RAB14: variants seen among roughly 807,000 people sequenced by gnomAD.
RAB14 encodes ras-related protein Rab-14.
A neutral mutation model predicts 31.1 loss-of-function variants in RAB14; 3 were observed. That is an observed-to-expected ratio of 0.10 (90% CI 0.04 to 0.25). The LOEUF (loss-of-function observed/expected upper bound fraction) is 0.25. Among genes scored for constraint, RAB14 ranks in the 10% least tolerant of loss-of-function variants. The probability of loss-of-function intolerance (pLI) is 1.00; values close to 1 mark genes in which losing one functional copy is unlikely to be tolerated. For missense variants in RAB14, 111 were observed against 260.1 expected, an observed-to-expected ratio of 0.43 and a Z score of 3.94; for synonymous variants, 85 against 84.9, an observed-to-expected ratio of 1.00 and a Z score of 0.00.
intron 5 of RAB14, among the ~76,000 whole-genome samples, chr9:121,186,596 A>T (rs1407555959): frequency 1.3e-5 from 2 of 152,196 alleles, no homozygotes; most frequent in East Asian, 3.8e-4. Context: ...AAAACAGTAC[A>T]GAAAGATCTC....
Position 121,183,312 on chromosome 9 carries a change from A to G in RAB14, c.438T>C (p.Asn146=), listed in dbSNP as rs2132022031. ...CCATTAAGTCTTAAAGAAACTCACC[A>G]TTTTCTTCAGCAAACTGTTTGGCTT... ...YEEAKQFAEE[N]GLLFLEASAK... is the part of the protein sequence containing the mutation. Residue 146 remains asparagine, a splice_region_variant and synonymous_variant, in exon 6 of 8, where the codon AAT becomes AAC. Transcript: ENST00000373840. 1 of 1,604,512 alleles carries G rather than the reference A, an allele frequency of 6.2e-7. No individual in the cohort carries two copies. The highest frequency in any genetic ancestry group is 1.3e-5 in the African/African-American group (1 of 74,774).
At chr9:121,185,402 TAC>T (rs1381344085) in intron 5 of RAB14, among the ~76,000 whole-genome samples, 1 of 152,150 alleles carries the variant, frequency 6.6e-6, no homozygotes, top group African/African-American at 2.4e-5. Context: ...TTTCAGTTTT[TAC>T]ACATTCTCAG....
chr9:121,180,208 A>G lies in RAB14; in HGVS notation c.*1188T>C, dbSNP rs1454362598. On this transcript the variant is annotated 3_prime_UTR_variant, in exon 8 of 8. Transcript: ENST00000373840. ...TATTTCACTGTAGGGTTAAAAATGCACAATTTAAAATCCCTTAACAGCAGA... is the reference window on the plus strand; with the variant it reads ...TATTTCACTGTAGGGTTAAAAATGCGCAATTTAAAATCCCTTAACAGCAGA... The G allele has an allele frequency of 6.6e-6, 1 of 152,666 alleles. No homozygotes were observed. The highest frequency in any genetic ancestry group is 1.9e-4 in the East Asian group (1 of 5,204). 9.5% of individuals were successfully genotyped at this position (152,666 alleles called of 1,614,324 possible). A position where few individuals can be genotyped will look rare whatever the true frequency, so the allele number is the denominator to read the frequency against.
In RAB14 at chr9:121,178,249, C is replaced by CAGTA. The variant is rs112997533; in HGVS notation, c.*3143_*3146dup. 8.5e-5 allele frequency: 13 copies of CAGTA among 152,056 alleles called. No individual in the cohort carries two copies. The highest frequency in any genetic ancestry group is 1.2e-4 in the Non-Finnish European group (8 of 68,020). 9.4% of individuals were successfully genotyped at this position (152,056 alleles called of 1,614,324 possible). On this transcript the variant is annotated 3_prime_UTR_variant, in exon 8 of 8. Transcript: ENST00000373840. Reference sequence around the variant, plus strand: ...ATGAAAGTGACAATTTATTAATACACAGTAAGTTCTAGAAGGCATCTTTCA... The same window carrying CAGTA: ...ATGAAAGTGACAATTTATTAATACACAGTAAGTAAGTTCTAGAAGGCATCTTTCA...
At chr9:121,183,432 C>T in intron 5 of RAB14, 34 bp from the exon 6 acceptor site, 1 of 1,483,702 alleles carries the variant, frequency 6.7e-7, no homozygotes, top group East Asian at 2.3e-5. Context: ...CACCTTGTAA[C>T]AAAAGCAGTA....
chr9:121,201,507 G>A (rs1015382708), intron 1 of RAB14, 132 bp downstream of exon 1: 3 of 152,298 alleles, frequency 2.0e-5, no homozygotes, highest in Non-Finnish European at 4.4e-5. Flanking sequence ...GGCTAGCCAC[G>A]GCCTGACGGG....
At chr9:121,186,365 C>T (rs564762265) in intron 5 of RAB14, among the ~76,000 whole-genome samples, 9 of 152,158 alleles carry the variant, frequency 5.9e-5, no homozygotes, top group Admixed American at 3.9e-4. Context: ...AGACTATAAG[C>T]TCTTTGGGAC....
intron 7 of RAB14, 24 bp downstream of exon 7, chr9:121,182,906 T>A (rs1478720661): frequency 6.3e-7 from 1 of 1,591,476 alleles, no homozygotes; most frequent in Non-Finnish European, 8.6e-7. Flanking sequence ...ATAATTGAAA[T>A]ATCTGTATTT....
At position 121,180,612 on chromosome 9, in the gene RAB14, C is replaced by T. The variant is rs1443663402; in HGVS notation, c.*784G>A. 1 of 152,616 alleles carries T rather than the reference C, an allele frequency of 6.6e-6. No homozygotes were observed. Among genetic ancestry groups the T allele is most frequent in the Admixed American group, 6.5e-5 (1 of 15,276 alleles). 9.5% of individuals were successfully genotyped at this position (152,616 alleles called of 1,614,324 possible). Reference sequence around the variant, plus strand: ...CTTTGTGTGAAATGGAAGGGAGTAACATGGTCACATATAGGTCATACTGTA... The same window carrying T: ...CTTTGTGTGAAATGGAAGGGAGTAATATGGTCACATATAGGTCATACTGTA... On this transcript the variant is annotated 3_prime_UTR_variant, in exon 8 of 8. Coordinates refer to ENST00000373840, the MANE Select transcript of RAB14 (RefSeq NM_016322.4).
intron 5 of RAB14, 30 bp downstream of exon 5, chr9:121,186,923 T>G (rs909356176): frequency 6.8e-6 from 10 of 1,463,214 alleles, no homozygotes; most frequent in South Asian, 1.5e-5. Flanking sequence ...TTCTTAAATT[T>G]TCTGTGTAAT....
Position 121,181,298 on chromosome 9 carries a change from AC to A in RAB14, c.*97del. The A allele has an allele frequency of 8.1e-7, 1 of 1,229,624 alleles. No individual in the cohort carries two copies. Among genetic ancestry groups the A allele is most frequent in the South Asian group, 2.4e-5 (1 of 42,106 alleles). The allele number at this position is 1,229,624 out of a possible 1,614,324, so 76.2% of individuals were successfully genotyped here. A position where few individuals can be genotyped will look rare whatever the true frequency, so the allele number is the denominator to read the frequency against. On this transcript the variant is annotated 3_prime_UTR_variant, in exon 8 of 8. Transcript: ENST00000373840. ...GAGTTTTTTCTTTTTTTTTAATTAA[AC>A]CCAGTAAGATGTACAGAAGACAATG...
intron 5 of RAB14, among the ~76,000 whole-genome samples, chr9:121,185,936 G>A (rs1344433370): frequency 6.6e-6 from 1 of 152,076 alleles, no homozygotes; most frequent in African/African-American, 2.4e-5. Context: ...AAAGTTTCAG[G>A]CACAGTCCCT....
intron 1 of RAB14, among the ~76,000 whole-genome samples, chr9:121,194,785 C>T (rs192719002): frequency 3.9e-5 from 6 of 152,042 alleles, no homozygotes; most frequent in African/African-American, 7.2e-5. Context: ...ACATTGAACC[C>T]GTAGAAAGAA....
intron 1 of RAB14, among the ~76,000 whole-genome samples, chr9:121,196,777 T>C (rs1257415281): frequency 6.6e-6 from 1 of 152,226 alleles, no homozygotes; most frequent in African/African-American, 2.4e-5. Flanking sequence ...AATTTATAGA[T>C]ATAAATGACT....
At chr9:121,190,503 C>T (rs1331148289) in intron 4 of RAB14, 51 bp downstream of exon 4, 1 of 1,487,050 alleles carries the variant, frequency 6.7e-7, no homozygotes, top group Non-Finnish European at 9.0e-7. Context: ...TTTTTAAATG[C>T]CCAAAGTAGA....
chr9:121,186,014 C>A (rs72760261), intron 5 of RAB14, among the ~76,000 whole-genome samples: 12,573 of 152,212 alleles, frequency 0.083, 560 homozygotes, highest in Non-Finnish European at 0.11. Context: ...GATAAAAGCT[C>A]ATCTTACCAC....
chr9:121,185,104 A>AT (rs1258707604), intron 5 of RAB14, among the ~76,000 whole-genome samples: 4 of 152,014 alleles, frequency 2.6e-5, no homozygotes, highest in Admixed American at 1.3e-4. Context: ...AACTCAAGAA[A>AT]TTTTTTTTCT....
At chr9:121,201,108 A>C (rs1219663221) in intron 1 of RAB14, among the ~76,000 whole-genome samples, 1 of 151,694 alleles carries the variant, frequency 6.6e-6, no homozygotes, top group Non-Finnish European at 1.5e-5. Context: ...CCACATCGAC[A>C]AGGACACCGG....
Position 121,178,958 on chromosome 9 carries a change from TCTG to T in RAB14, c.*2435_*2437del, listed in dbSNP as rs1438265148. The T allele has an allele frequency of 1.3e-5, 2 of 152,234 alleles. No homozygotes were observed. Among genetic ancestry groups the T allele is most frequent in the Non-Finnish European group, 2.9e-5 (2 of 68,048 alleles). 9.4% of individuals were successfully genotyped at this position (152,234 alleles called of 1,614,324 possible). On this transcript the variant is annotated 3_prime_UTR_variant, in exon 8 of 8. Transcript: ENST00000373840. ...GCACACGCATGTTACAATATGACAA[TCTG>T]CTCTATTTGTGAGCACCTGAGTGTA... is the stretch of plus-strand genomic sequence containing the variant.
Sources: allele counts gnomAD v4.1 joint callset (sites outside exome capture counted in the v4.1 genomes callset), GRCh38; gene constraint gnomAD v4.1.1; transcripts MANE v1.5; gene names NCBI Gene and HGNC (gene_info 2026-07-23, HGNC 2026-07-21).